FRAS1: variants seen among roughly 807,000 people sequenced by gnomAD.
FRAS1 encodes the protein extracellular matrix organizing protein FRAS1.
FRAS1 carries 290 observed loss-of-function variants against 435.2 expected under a neutral mutation model. The ratio of observed to expected loss-of-function variants is 0.67; its 90% CI spans 0.61 to 0.73. The LOEUF (loss-of-function observed/expected upper bound fraction) is 0.73, where lower values mean the gene tolerates loss of function less well. Ranked by LOEUF, FRAS1 falls within the 30% of genes least tolerant of loss-of-function variation. The probability of loss-of-function intolerance (pLI) is 0.00; values close to 1 mark genes in which losing one functional copy is unlikely to be tolerated. For missense variants in FRAS1, 4,860 were observed against 5,001.5 expected (o/e 0.97, Z 0.85); for synonymous variants, 1,800 against 1,851.0 (o/e 0.97, Z 0.71).
At chr4:78,376,006 G>A in intron 26 of FRAS1, 127 bp downstream of exon 26, 1 of 1,046,584 alleles carries the variant, frequency 9.6e-7, no homozygotes, top group Non-Finnish European at 1.4e-6. Flanking sequence ...AAAACCCATG[G>A]TGCTACTAAG....
intron 2 of FRAS1, among the ~76,000 whole-genome samples, chr4:78,136,322 T>A (rs745903514): frequency 1.3e-5 from 2 of 152,176 alleles, no homozygotes; most frequent in Non-Finnish European, 2.9e-5. Flanking sequence ...GCTGGGAATG[T>A]GTGCATTTGG....
At chr4:78,487,512 T>C (rs1404229544) in intron 58 of FRAS1, among the ~76,000 whole-genome samples, 1 of 152,142 alleles carries the variant, frequency 6.6e-6, no homozygotes, top group African/African-American at 2.4e-5. Context: ...ACCCAAAGAC[T>C]AATTCTGACC....
rs1013935567 is a variant in FRAS1, at chr4:78,373,975, C to G, written c.3011-136C>G. The G allele has an allele frequency of 3.0e-5, 21 of 711,580 alleles. No homozygotes were observed. The African/African-American group carries it at 3.6e-4, about 12-fold the overall frequency. The allele number at this position is 711,580 out of a possible 1,614,324, so 44.1% of individuals were successfully genotyped here. A position where few individuals can be genotyped will look rare whatever the true frequency, so the allele number is the denominator to read the frequency against. On this transcript the variant is annotated intron_variant, in intron 24 of 73. Coordinates refer to ENST00000512123, the MANE Select transcript of FRAS1 (RefSeq NM_025074.7). ...ATAGTGACAACCAGAACCCAGACTC[C>G]TTGACTCTTCATATGGTCCTTTGCC...
At chr4:78,330,092 G>A (rs990327697) in intron 18 of FRAS1, among the ~76,000 whole-genome samples, 4 of 152,170 alleles carry the variant, frequency 2.6e-5, no homozygotes, top group Admixed American at 1.3e-4. Context: ...CAGAGGGACC[G>A]GCTGAAGCCA....
chr4:78,520,038 C>A (rs1193358087), intron 67 of FRAS1, among the ~76,000 whole-genome samples: 1 of 152,098 alleles, frequency 6.6e-6, no homozygotes, highest in Non-Finnish European at 1.5e-5. Context: ...CAGGCTCATC[C>A]CCATTACTGT....
intron 18 of FRAS1, among the ~76,000 whole-genome samples, chr4:78,322,889 T>C (rs1204269434): frequency 6.6e-6 from 1 of 152,208 alleles, no homozygotes; most frequent in Admixed American, 6.5e-5. Context: ...GAAAAGTCCT[T>C]TTCTCATGGA....
Position 78,282,807 on chromosome 4 carries a change from CT to C in FRAS1, c.1108-7del. 1 of 1,613,014 alleles carries C rather than the reference CT, an allele frequency of 6.2e-7. No individual in the cohort carries two copies. The highest frequency in any genetic ancestry group is 1.3e-5 in the African/African-American group (1 of 75,022). ...ATCCTGATGACAATGCTGTTCTTCACTTTTTTGCGTAGGAGGGAGAGAAGTG... is the reference window on the plus strand; with the variant it reads ...ATCCTGATGACAATGCTGTTCTTCACTTTTTGCGTAGGAGGGAGAGAAGTG... On this transcript the variant is annotated splice_polypyrimidine_tract_variant and intron_variant, in intron 11 of 73. Coordinates refer to ENST00000512123, the MANE Select transcript of FRAS1 (RefSeq NM_025074.7).
At chr4:78,262,117 G>T in intron 6 of FRAS1, among the ~76,000 whole-genome samples, 1 of 152,152 alleles carries the variant, frequency 6.6e-6, no homozygotes, top group East Asian at 1.9e-4. Flanking sequence ...CATTGACTGA[G>T]ATCATTTCTT....
Position 78,372,729 on chromosome 4 carries a change from A to G in FRAS1, c.2881A>G (p.Ser961Gly). The G allele has an allele frequency of 6.2e-7, 1 of 1,612,688 alleles. No individual in the cohort carries two copies. Among genetic ancestry groups the G allele is most frequent in the Non-Finnish European group, 8.5e-7 (1 of 1,179,786 alleles). ...STNTCKECDWSCSACSGPLKT... is the reference protein window; with the variant it reads ...STNTCKECDWGCSACSGPLKT... ...GACTTTCTTTTTAGAGTGTGATTGGAGCTGCAGTGCATGCAGTGGGCCCCT... is the reference window on the plus strand; with the variant it reads ...GACTTTCTTTTTAGAGTGTGATTGGGGCTGCAGTGCATGCAGTGGGCCCCT... The change falls in exon 24 of 74, where the codon AGC becomes GGC. Residue 961 changes from serine to glycine, a missense_variant. Transcript: ENST00000512123.
rs193180258 is a variant in FRAS1, at chr4:78,330,373, G to C, written c.2138-2899G>C. Among the ~76,000 whole-genome samples, 942 of 152,298 alleles carry C rather than the reference G, an allele frequency of 6.2e-3. 4 individuals are homozygous for C. The highest frequency in any genetic ancestry group is 8.4e-3 in the Non-Finnish European group (573 of 68,034). On this transcript the variant is annotated intron_variant, in intron 18 of 73. Transcript: ENST00000512123. ...TAACTGCACAAATTATACAGCATGTGTGTTTGAGCAATATGAAATCTGGGC... is the reference window on the plus strand; with the variant it reads ...TAACTGCACAAATTATACAGCATGTCTGTTTGAGCAATATGAAATCTGGGC...
intron 29 of FRAS1, among the ~76,000 whole-genome samples, chr4:78,390,430 T>G (rs1347126217): frequency 6.6e-6 from 1 of 152,220 alleles, no homozygotes; most frequent in Admixed American, 6.5e-5. Context: ...AGATACTTAG[T>G]GCTGGAGCTA....
chr4:78,416,870 G>C (rs115527216), intron 32 of FRAS1, among the ~76,000 whole-genome samples: 1 of 152,252 alleles, frequency 6.6e-6, no homozygotes, highest in Non-Finnish European at 1.5e-5. Flanking sequence ...CCTGGGGAGA[G>C]ACTGTGGCCC....
chr4:78,331,358 A>G (rs1041316820), intron 18 of FRAS1, among the ~76,000 whole-genome samples: 1 of 152,016 alleles, frequency 6.6e-6, no homozygotes, highest in African/African-American at 2.4e-5. Context: ...ATCTCCTGGT[A>G]TGGGTATTAG....
intron 50 of FRAS1, among the ~76,000 whole-genome samples, chr4:78,467,730 C>T (rs6824995): frequency 0.33 from 49,633 of 152,046 alleles, 8,823 homozygotes; most frequent in Admixed American, 0.41. Context: ...TTCTCATTAG[C>T]ATTTTTTATT....
chr4:78,445,616 T>C lies in FRAS1; in HGVS notation c.5760T>C (p.Val1920=), dbSNP rs370291673. 93 of 1,613,744 alleles carry C rather than the reference T, an allele frequency of 5.8e-5. No homozygotes were observed. Among genetic ancestry groups the C allele is most frequent in the Non-Finnish European group, 5.7e-5 (67 of 1,179,812 alleles). Residue 1920 remains valine (V), a synonymous_variant, in exon 42 of 74, where the codon GTT becomes GTC. Coordinates refer to ENST00000512123, the MANE Select transcript of FRAS1 (RefSeq NM_025074.7). The stretch of plus-strand genomic sequence containing the variant: ...ACTACATTTACTACTTTCAGAGTGT[T>C]CATGAAAGCATTGAGCCAACCCATG... ...LENYIYYFQS[V]HESIEPTHDI... is the part of the protein sequence containing the mutation.
intron 15 of FRAS1, among the ~76,000 whole-genome samples, chr4:78,311,573 T>C (rs1374242040): frequency 6.6e-6 from 1 of 152,222 alleles, no homozygotes; most frequent in African/African-American, 2.4e-5. Context: ...GGGAGTTTCC[T>C]GGGATTTATA....
At chr4:78,402,966 G>A (rs111985557) in intron 30 of FRAS1, among the ~76,000 whole-genome samples, 1 of 152,108 alleles carries the variant, frequency 6.6e-6, no homozygotes, top group African/African-American at 2.4e-5. Context: ...ATCTCACTGC[G>A]TCTTATGACA....
chr4:78,281,011 TG>T (rs1727306782), intron 10 of FRAS1, among the ~76,000 whole-genome samples: 1 of 152,336 alleles, frequency 6.6e-6, no homozygotes, highest in Non-Finnish European at 1.5e-5. Context: ...TACTCATTTT[TG>T]GAGATAAACT....
intron 63 of FRAS1, among the ~76,000 whole-genome samples, 172 bp downstream of exon 63, chr4:78,509,178 A>G (rs1477865296): frequency 1.3e-5 from 2 of 152,234 alleles, no homozygotes; most frequent in African/African-American, 2.4e-5. Context: ...TATATGCTGT[A>G]ATAGAAAACT....
Sources: allele counts gnomAD v4.1 joint callset (sites outside exome capture counted in the v4.1 genomes callset), GRCh38; gene constraint gnomAD v4.1.1; transcripts MANE v1.5; gene names NCBI Gene and HGNC (gene_info 2026-07-23, HGNC 2026-07-21).